The following PIGN variants were observed in gnomAD, a reference collection of about 807,000 sequenced individuals.
PIGN encodes the protein phosphatidylinositol glycan anchor biosynthesis class N.
A neutral mutation model predicts 125.4 loss-of-function variants in PIGN; 117 were observed. The ratio of observed to expected loss-of-function variants is 0.93; its 90% CI spans 0.80 to 1.09. PIGN has a LOEUF of 1.09. Ranked by LOEUF, PIGN falls within the 50% of genes least tolerant of loss-of-function variation. The pLI is 0.00. For missense variants in PIGN, 1,075 were observed against 1,094.9 expected (o/e 0.98, Z 0.26); for synonymous variants, 392 against 377.8 (o/e 1.04, Z -0.44).
At chr18:62,046,640 C>T (rs2030732560) in intron 30 of PIGN, among the ~76,000 whole-genome samples, 1 of 151,602 alleles carries the variant, frequency 6.6e-6, no homozygotes, top group South Asian at 2.1e-4. Context: ...AGGTTGGGGA[C>T]TGCTTCTTTA....
At chr18:62,058,911 G>C (rs2031926951) in intron 30 of PIGN, 1 of 152,094 alleles carries the variant, frequency 6.6e-6, no homozygotes, top group Admixed American at 6.6e-5. Flanking sequence ...ATCCAGGCCA[G>C]GTGTAGTGGC....
At chr18:62,119,984 G>A (rs1400804192) in intron 14 of PIGN, among the ~76,000 whole-genome samples, 1 of 152,140 alleles carries the variant, frequency 6.6e-6, no homozygotes, top group East Asian at 1.9e-4. Context: ...GGTCTAATAT[G>A]AATGTAATTG....
intron 23 of PIGN, among the ~76,000 whole-genome samples, chr18:62,029,574 G>C (rs2030166291): frequency 6.6e-6 from 1 of 152,160 alleles, no homozygotes; most frequent in African/African-American, 2.4e-5. Context: ...AAGGGAAGAG[G>C]GTATTTAGTA....
intron 14 of PIGN, among the ~76,000 whole-genome samples, chr18:62,126,394 A>T (rs1442026179): frequency 2.6e-5 from 4 of 152,132 alleles, no homozygotes; most frequent in African/African-American, 9.7e-5. Flanking sequence ...CACAGAAAAT[A>T]TCATTTTATA....
downstream of PIGN, among the ~76,000 whole-genome samples, chr18:62,038,931 T>A (rs1599378546): frequency 4.7e-5 from 1 of 21,402 alleles, no homozygotes; most frequent in Non-Finnish European, 1.1e-4. Flanking sequence ...ATAATAATAA[T>A]AATAATAATA....
intron 7 of PIGN, among the ~76,000 whole-genome samples, chr18:62,152,872 T>A (rs867992138): frequency 1.6e-4 from 13 of 83,494 alleles, no homozygotes; most frequent in East Asian, 6.4e-4. Flanking sequence ...ATATATATTT[T>A]TTTTTTTAAC....
chr18:62,103,287 C>T (rs770550965), intron 20 of PIGN, among the ~76,000 whole-genome samples: 1 of 152,050 alleles, frequency 6.6e-6, no homozygotes, highest in Non-Finnish European at 1.5e-5. Flanking sequence ...AGTATATTAT[C>T]AGTATCTACA....
intron 30 of PIGN, among the ~76,000 whole-genome samples, chr18:62,068,454 G>A (rs1226078137): frequency 6.6e-6 from 1 of 152,030 alleles, no homozygotes; most frequent in Non-Finnish European, 1.5e-5. Context: ...ATTTTGCTAA[G>A]TTTGTTTATT....
intron 14 of PIGN, among the ~76,000 whole-genome samples, chr18:62,134,949 C>T (rs79518890): frequency 2.8e-4 from 42 of 152,242 alleles, no homozygotes; most frequent in African/African-American, 9.9e-4. Context: ...TACATCATGT[C>T]CTTAATTTCC....
At chr18:62,175,784 A>C (rs2037504520) in intron 1 of PIGN, among the ~76,000 whole-genome samples, 2 of 152,224 alleles carry the variant, frequency 1.3e-5, no homozygotes, top group Non-Finnish European at 2.9e-5. Flanking sequence ...TGGTGGAATG[A>C]GTATATATTT....
At position 62,115,815 on chromosome 18, in the gene PIGN, T is replaced by C. The variant is rs776494054; in HGVS notation, c.1173-1176A>G. Among the ~76,000 whole-genome samples, 19 of 152,044 alleles carry C rather than the reference T, an allele frequency of 1.2e-4. 1 individual carries two copies. The highest frequency in any genetic ancestry group is 2.6e-4 in the Non-Finnish European group (18 of 68,004). ...TCAGAGTTCTATGGGATACTCTGATTAAGGATCTGTGCTTTGGCTTGGGAC... is the reference window on the plus strand; with the variant it reads ...TCAGAGTTCTATGGGATACTCTGATCAAGGATCTGTGCTTTGGCTTGGGAC... On this transcript the variant is annotated intron_variant, in intron 14 of 30. Transcript: ENST00000640252.
intron 1 of PIGN, among the ~76,000 whole-genome samples, chr18:62,171,184 G>A (rs2037333906): frequency 6.6e-6 from 1 of 152,126 alleles, no homozygotes; most frequent in Non-Finnish European, 1.5e-5. Flanking sequence ...GCAATGTTCT[G>A]TAGTTTCAAA....
intron 30 of PIGN, among the ~76,000 whole-genome samples, chr18:62,054,398 AG>A (rs1222544715): frequency 2.6e-5 from 4 of 151,250 alleles, no homozygotes; most frequent in Non-Finnish European, 5.9e-5. Context: ...TGCTCTGTGA[AG>A]GGCCCTGTTA....
At chr18:62,069,195 A>C (rs751417539) in intron 30 of PIGN, among the ~76,000 whole-genome samples, 2 of 152,232 alleles carry the variant, frequency 1.3e-5, no homozygotes, top group Non-Finnish European at 2.9e-5. Context: ...TACTTTGAAG[A>C]AAAAACACGC....
downstream of PIGN, among the ~76,000 whole-genome samples, chr18:62,040,547 T>C (rs2030340326): frequency 6.6e-6 from 1 of 152,212 alleles, no homozygotes; most frequent in East Asian, 1.9e-4. Context: ...CCAGGGTACA[T>C]ACTGTCAGCT....
intron 14 of PIGN, among the ~76,000 whole-genome samples, chr18:62,119,535 C>G (rs1330155174): frequency 6.6e-6 from 1 of 152,132 alleles, no homozygotes; most frequent in Non-Finnish European, 1.5e-5. Context: ...TAACTCATGA[C>G]AGAATCAGTA....
chr18:62,155,395 C>T (rs146680168), intron 6 of PIGN, among the ~76,000 whole-genome samples: 153 of 152,032 alleles, frequency 1.0e-3, no homozygotes, highest in Non-Finnish European at 1.9e-3. Flanking sequence ...GATGAAACCC[C>T]GTCTCTACTA....
rs78321515 is a variant in PIGN, at chr18:62,057,879, G to T, written c.2673-11900C>A. Among the ~76,000 whole-genome samples the T allele has an allele frequency of 9.8e-3, 1,485 of 152,288 alleles. 47 individuals carry two copies. Among genetic ancestry groups the T allele is most frequent in the East Asian group, 0.069 (358 of 5,174 alleles). On this transcript the variant is annotated intron_variant, in intron 30 of 30. Coordinates refer to ENST00000640252, the MANE Select transcript of PIGN (RefSeq NM_176787.5). ...CAGGACACTTTGCCAACAGGGAAAA[G>T]ATACTTTGCTTAATAAATTAATAAA...
At chr18:62,169,514 C>A (rs571251263) in intron 1 of PIGN, among the ~76,000 whole-genome samples, 1 of 152,108 alleles carries the variant, frequency 6.6e-6, no homozygotes, top group Admixed American at 6.6e-5. Context: ...ATCCTCCTGC[C>A]TTGGACTCCC....
Sources: gnomAD v4.1 joint callset for allele counts (sites outside exome capture counted in the v4.1 genomes callset) on GRCh38, gnomAD v4.1.1 for gene constraint, MANE v1.5 for transcripts, NCBI Gene and HGNC (gene_info 2026-07-23, HGNC 2026-07-21) for gene names.